Variants in SLC38A12 observed in about 807,000 individuals in gnomAD.
SLC38A12 encodes putative sodium-coupled neutral amino acid transporter 12.
At chr17:74,802,416 C>T in the SLC38A12 span, among the ~76,000 whole-genome samples, 1 of 152,176 alleles carries the variant, frequency 6.6e-6, no homozygotes, top group African/African-American at 2.4e-5. Flanking sequence ...CTCCCTACCA[C>T]TCCCTTACCC....
At chr17:74,794,983 T>G in the SLC38A12 span, 1 of 1,578,884 alleles carries the variant, frequency 6.3e-7, no homozygotes, top group Non-Finnish European at 8.7e-7. Flanking sequence ...TCTTTGTGGC[T>G]CCCTGACTGA....
At chr17:74,796,564 C>T in the SLC38A12 span, among the ~76,000 whole-genome samples, 1 of 152,230 alleles carries the variant, frequency 6.6e-6, no homozygotes, top group Non-Finnish European at 1.5e-5. Flanking sequence ...TTTTCTTGCC[C>T]TCCTAGTCCC....
At chr17:74,796,414 G>C in the SLC38A12 span, among the ~76,000 whole-genome samples, 1 of 152,222 alleles carries the variant, frequency 6.6e-6, no homozygotes, top group Admixed American at 6.5e-5. Context: ...TTGGAGCAGG[G>C]AGGCAGGGAC....
chr17:74,801,743 CTT>C, the SLC38A12 span, among the ~76,000 whole-genome samples: 4 of 152,186 alleles, frequency 2.6e-5, no homozygotes, highest in East Asian at 1.9e-4. Flanking sequence ...TAGCTTGTCT[CTT>C]TCTTTTTCAA....
chr17:74,785,490 G>A, the SLC38A12 span: 1 of 1,611,516 alleles, frequency 6.2e-7, no homozygotes, highest in Non-Finnish European at 8.5e-7. Context: ...AGGTTGGGCT[G>A]GTGTACATGT....
chr17:74,797,089 T>C, the SLC38A12 span, among the ~76,000 whole-genome samples: 1 of 152,102 alleles, frequency 6.6e-6, no homozygotes, highest in African/African-American at 2.4e-5. Flanking sequence ...TGCTGGAATC[T>C]AAAGACCCTG....
the SLC38A12 span, among the ~76,000 whole-genome samples, chr17:74,816,387 G>A: frequency 2.6e-5 from 4 of 152,200 alleles, no homozygotes; most frequent in African/African-American, 4.8e-5. Flanking sequence ...GGTGGGCAGC[G>A]CATGTAAGGG....
At chr17:74,802,865 G>A in the SLC38A12 span, among the ~76,000 whole-genome samples, 4 of 151,914 alleles carry the variant, frequency 2.6e-5, no homozygotes, top group South Asian at 6.2e-4. Context: ...CTTCCTACCC[G>A]CAGCAAGCCA....
the SLC38A12 span, among the ~76,000 whole-genome samples, chr17:74,814,711 C>T: frequency 6.6e-6 from 1 of 152,102 alleles, no homozygotes; most frequent in Non-Finnish European, 1.5e-5. Flanking sequence ...GCCCCTTCAC[C>T]CACTCTAGCA....
chr17:74,798,547 C>T, the SLC38A12 span, among the ~76,000 whole-genome samples: 1 of 152,316 alleles, frequency 6.6e-6, no homozygotes, highest in South Asian at 2.1e-4. Flanking sequence ...TCCCCCTTTC[C>T]TTCCCTGGAG....
the SLC38A12 span, among the ~76,000 whole-genome samples, chr17:74,801,165 C>T: frequency 6.6e-6 from 1 of 152,234 alleles, no homozygotes; most frequent in African/African-American, 2.4e-5. Context: ...CCCATCTTCT[C>T]TCCTTTCCTT....
chr17:74,818,631 GCCAGAGC>G, the SLC38A12 span, among the ~76,000 whole-genome samples: 1 of 152,184 alleles, frequency 6.6e-6, no homozygotes, highest in Non-Finnish European at 1.5e-5. Flanking sequence ...CAGATGACAG[GCCAGAGC>G]CCGACTCCCC....
the SLC38A12 span, among the ~76,000 whole-genome samples, chr17:74,787,092 C>T: frequency 6.6e-6 from 1 of 152,164 alleles, no homozygotes; most frequent in African/African-American, 2.4e-5. Flanking sequence ...AAAATGGTCA[C>T]TTAGGCAAGA....
At chr17:74,796,420 G>A in the SLC38A12 span, among the ~76,000 whole-genome samples, 1 of 152,258 alleles carries the variant, frequency 6.6e-6, no homozygotes, top group Non-Finnish European at 1.5e-5. Context: ...CAGGGAGGCA[G>A]GGACCAAGAG....
At chr17:74,821,148 C>G in the SLC38A12 span, among the ~76,000 whole-genome samples, 1 of 152,354 alleles carries the variant, frequency 6.6e-6, no homozygotes, top group East Asian at 1.9e-4. Context: ...GAAAGTTTTT[C>G]CTTGCCTTGA....
the SLC38A12 span, among the ~76,000 whole-genome samples, chr17:74,794,401 A>G: frequency 6.6e-6 from 1 of 152,314 alleles, no homozygotes; most frequent in African/African-American, 2.4e-5. Context: ...TGCTTCCCGT[A>G]AGAAGGAAAG....
chr17:74,807,849 C>A, the SLC38A12 span, among the ~76,000 whole-genome samples: 2 of 152,338 alleles, frequency 1.3e-5, no homozygotes, highest in East Asian at 3.9e-4. Flanking sequence ...CAGCTCCTCA[C>A]GTAACATCCG....
the SLC38A12 span, among the ~76,000 whole-genome samples, chr17:74,830,768 C>T: frequency 2.0e-5 from 3 of 152,206 alleles, no homozygotes; most frequent in African/African-American, 7.2e-5. Flanking sequence ...TTTATCTCAG[C>T]TCCAAGACAA....
At chr17:74,833,882 G>T in the SLC38A12 span, among the ~76,000 whole-genome samples, 1 of 152,126 alleles carries the variant, frequency 6.6e-6, no homozygotes, top group African/African-American at 2.4e-5. Flanking sequence ...CCCACTTATG[G>T]TGGCAGAACA....
Sources: gnomAD v4.1 joint callset for allele counts (sites outside exome capture counted in the v4.1 genomes callset) on GRCh38, gnomAD v4.1.1 for gene constraint, MANE v1.5 for transcripts, NCBI Gene and HGNC (gene_info 2026-07-23, HGNC 2026-07-21) for gene names.